VPS26B: variants seen among roughly 807,000 people sequenced by gnomAD.
VPS26B encodes vacuolar protein sorting-associated protein 26B.
Under a neutral mutation model 33.3 loss-of-function variants are expected in VPS26B, and 10 were observed. That is an observed-to-expected ratio of 0.30 (90% CI 0.19 to 0.51). The LOEUF (loss-of-function observed/expected upper bound fraction) is 0.51. VPS26B is among the 20% of genes least tolerant of loss of function. The pLI is 0.98. For missense variants in VPS26B, 317 were observed against 452.7 expected (o/e 0.70, Z 2.72); for synonymous variants, 190 against 176.9 (o/e 1.07, Z -0.59).
chr11:134,240,716 G>A lies in VPS26B; in HGVS notation c.545+561G>A, dbSNP rs1264616397. 6.6e-6 allele frequency among the ~76,000 whole-genome samples: 1 copy of A among 151,242 alleles called. No individual in the cohort carries two copies. Among genetic ancestry groups the A allele is most frequent in the Non-Finnish European group, 1.5e-5 (1 of 67,906 alleles). ...AGACTCAAGCATTTCTCTCACCTCC[G>A]CCCCTACAAGTAGCTAGGAGCACAG... On this transcript the variant is annotated intron_variant, in intron 3 of 5. Transcript: ENST00000281187. The surrounding 1 kb of genome is among the most constrained non-coding windows in gnomAD (Gnocchi z 4.4).
At chr11:134,233,585 C>T (rs897939223) in intron 1 of VPS26B, among the ~76,000 whole-genome samples, 8 of 152,234 alleles carry the variant, frequency 5.3e-5, no homozygotes, top group East Asian at 3.9e-4. Context: ...ATTAGCTGGG[C>T]GTGGTGGCAG....
chr11:134,225,391 C>G (rs369738921), intron 1 of VPS26B, 46 bp downstream of exon 1: 1 of 1,597,014 alleles, frequency 6.3e-7, no homozygotes, highest in Non-Finnish European at 8.6e-7. Context: ...GACAGCCGGC[C>G]GGGGAGCAGG....
intron 1 of VPS26B, among the ~76,000 whole-genome samples, chr11:134,227,152 A>G (rs143490576): frequency 6.6e-6 from 1 of 152,330 alleles, no homozygotes; most frequent in East Asian, 1.9e-4. Flanking sequence ...TGCGACCACA[A>G]AAATGTCTTC....
chr11:134,239,454 A>G (rs1219710372), intron 2 of VPS26B, among the ~76,000 whole-genome samples: 1 of 152,196 alleles, frequency 6.6e-6, no homozygotes, highest in African/African-American at 2.4e-5. Flanking sequence ...TAGCTGACTT[A>G]ATTTCTCTCT....
chr11:134,233,443 G>T (rs1414928696), intron 1 of VPS26B, among the ~76,000 whole-genome samples: 1 of 152,236 alleles, frequency 6.6e-6, no homozygotes, highest in South Asian at 2.1e-4. Context: ...GCTTACCTCG[G>T]CCGGGCACGG....
At chr11:134,232,659 C>T (rs1938573268) in intron 1 of VPS26B, among the ~76,000 whole-genome samples, 1 of 152,218 alleles carries the variant, frequency 6.6e-6, no homozygotes, top group Non-Finnish European at 1.5e-5. Context: ...TTGTTTATTC[C>T]TGATGTTGCC....
intron 3 of VPS26B, among the ~76,000 whole-genome samples, chr11:134,241,084 G>C (rs577522980): frequency 1.3e-5 from 2 of 152,126 alleles, no homozygotes; most frequent in East Asian, 1.9e-4. Flanking sequence ...TTTCTGACAG[G>C]GTATTTCAAA....
intron 1 of VPS26B, among the ~76,000 whole-genome samples, chr11:134,228,732 C>G (rs1938514586): frequency 6.6e-6 from 1 of 152,214 alleles, no homozygotes; most frequent in African/African-American, 2.4e-5. Context: ...ACACCTGTGT[C>G]AGTCATTGTA....
Position 134,244,877 on chromosome 11 carries a change from CT to C in VPS26B, c.722-60del. ...GCATCTCTGCAGTGGTCAGAGTGAC[CT>C]GGTATAAGGGAGAGGGCATCACCTT... On this transcript the variant is annotated intron_variant, in intron 4 of 5. Coordinates refer to ENST00000281187, the MANE Select transcript of VPS26B (RefSeq NM_052875.5). This position sits in a 1 kb window ranked among gnomAD's most constrained non-coding sequence, Gnocchi z 4.0. 6.4e-7 allele frequency: 1 copy of C among 1,572,740 alleles called. No homozygotes were observed. The highest frequency in any genetic ancestry group is 8.6e-7 in the Non-Finnish European group (1 of 1,164,190).
chr11:134,225,502 TC>T, intron 1 of VPS26B, 157 bp downstream of exon 1: 1 of 730,862 alleles, frequency 1.4e-6, no homozygotes, highest in East Asian at 2.8e-5. Context: ...CGTGGGCGAC[TC>T]CCCCTGCGTT....
intron 1 of VPS26B, among the ~76,000 whole-genome samples, chr11:134,234,147 C>G (rs1003564698): frequency 6.6e-5 from 10 of 152,140 alleles, no homozygotes; most frequent in African/African-American, 2.4e-4. Context: ...TTCGACACCC[C>G]CTGATTTCAG....
At chr11:134,227,158 TC>T (rs1272028438) in intron 1 of VPS26B, among the ~76,000 whole-genome samples, 3 of 152,208 alleles carry the variant, frequency 2.0e-5, no homozygotes, top group African/African-American at 2.4e-5. Context: ...CACAAAAATG[TC>T]TTCAGATATT....
intron 1 of VPS26B, 58 bp from the exon 2 acceptor site, chr11:134,234,839 G>A (rs192509295): frequency 5.1e-6 from 8 of 1,578,600 alleles, no homozygotes; most frequent in Admixed American, 3.5e-5. Context: ...CCCCCTACTC[G>A]GCCCGGTGTA....
At chr11:134,239,869 A>T in intron 2 of VPS26B, 122 bp from the exon 3 acceptor site, 3 of 1,057,314 alleles carry the variant, frequency 2.8e-6, no homozygotes, top group East Asian at 5.1e-5. Flanking sequence ...AAAAGGATAC[A>T]AAGCCCTCAA....
At chr11:134,225,513 T>C in intron 1 of VPS26B, 168 bp downstream of exon 1, 1 of 697,850 alleles carries the variant, frequency 1.4e-6, no homozygotes, top group South Asian at 1.7e-5. Context: ...CCCCCTGCGT[T>C]ACTGTCCTCC....
intron 3 of VPS26B, among the ~76,000 whole-genome samples, chr11:134,242,711 T>G (rs752530672): frequency 7.9e-5 from 12 of 152,230 alleles, no homozygotes; most frequent in Non-Finnish European, 1.5e-4. Flanking sequence ...GCCATCCAGG[T>G]CCAGTTCTCT....
intron 1 of VPS26B, among the ~76,000 whole-genome samples, chr11:134,230,782 C>T (rs1357763210): frequency 6.6e-6 from 1 of 152,214 alleles, no homozygotes; most frequent in Admixed American, 6.5e-5. Flanking sequence ...ACTATAATAT[C>T]TTATTTATTC....
chr11:134,238,948 G>A (rs1013117223), intron 2 of VPS26B, among the ~76,000 whole-genome samples: 1 of 152,114 alleles, frequency 6.6e-6, no homozygotes, highest in Admixed American at 6.6e-5. Flanking sequence ...GATTATCTAA[G>A]TTTTATTTAA....
At chr11:134,231,800 T>C (rs1190487878) in intron 1 of VPS26B, among the ~76,000 whole-genome samples, 1 of 152,212 alleles carries the variant, frequency 6.6e-6, no homozygotes, top group African/African-American at 2.4e-5. Context: ...CCTGACCTCG[T>C]GATCCACCCG....
Sources: gnomAD v4.1 joint callset for allele counts (sites outside exome capture counted in the v4.1 genomes callset) on GRCh38, gnomAD v4.1.1 for gene constraint, Gnocchi (gnomAD v3.1) non-coding constraint, MANE v1.5 for transcripts, NCBI Gene and HGNC (gene_info 2026-07-23, HGNC 2026-07-21) for gene names.